PDZD2: variants seen among roughly 807,000 people sequenced by gnomAD.
PDZD2 encodes PDZ domain containing 2, also known as PDZ domain-containing protein 2.
In PDZD2, 90 loss-of-function variants were observed where a neutral mutation model predicts 220.7. The ratio of observed to expected loss-of-function variants is 0.41; its 90% CI spans 0.34 to 0.49. PDZD2 has a LOEUF of 0.49. PDZD2 is among the 20% of genes least tolerant of loss of function. PDZD2 has a pLI of 0.28. For missense variants in PDZD2, 3,174 were observed against 3,608.5 expected, an observed-to-expected ratio of 0.88 and a Z score of 3.08; for synonymous variants, 1,375 against 1,450.5, an observed-to-expected ratio of 0.95 and a Z score of 1.18.
chr5:32,048,543 T>C lies in PDZD2; in HGVS notation c.1524T>C (p.Gly508=), dbSNP rs1738202408. 2 of 1,613,166 alleles carry C rather than the reference T, an allele frequency of 1.2e-6. No individual in the cohort carries two copies. The highest frequency in any genetic ancestry group is 2.2e-5 in the South Asian group (2 of 91,038). ...KIKLKSRLSG[G]VHRLESVEEY... ...TTTCTCCTCTGTTTTCTCAAGGGGGTGTACACCGCCTTGAGTCAGTTGAAG... is the reference window on the plus strand; with the variant it reads ...TTTCTCCTCTGTTTTCTCAAGGGGGCGTACACCGCCTTGAGTCAGTTGAAG... Residue 508 remains glycine, a synonymous_variant, in exon 8 of 25, where the codon GGT becomes GGC. Transcript: ENST00000438447.
intron 1 of PDZD2, among the ~76,000 whole-genome samples, chr5:31,650,179 T>G (rs1297108990): frequency 1.3e-5 from 2 of 151,780 alleles, no homozygotes; most frequent in African/African-American, 4.8e-5. Context: ...AGCAGGAAAA[T>G]GAATTATCCA....
In PDZD2 at chr5:32,036,638, T is replaced by C. The variant is rs372728722; in HGVS notation, c.1408-593T>C. 2.6e-5 allele frequency among the ~76,000 whole-genome samples: 4 copies of C among 152,174 alleles called. 1 individual carries two copies. The East Asian group carries it at 7.7e-4, about 29-fold the overall frequency. ...CTCATGTCGACGCCTCCAGGGTGCC[T>C]GGGGCTGAGCTTGATTCCAGGAGCC... On this transcript the variant is annotated intron_variant, in intron 6 of 24. Transcript: ENST00000438447.
Position 31,786,405 on chromosome 5 carries a change from G to C in PDZD2, c.-360-12484G>C, listed in dbSNP as rs140273543. ...GTTCTTCCCCACTTCTTGAAACCTT[G>C]GTTCTATTGCTGTTCCAAAGAGCTT... is the stretch of plus-strand genomic sequence containing the variant. On this transcript the variant is annotated intron_variant, in intron 1 of 24. Coordinates refer to ENST00000438447, the MANE Select transcript of PDZD2 (RefSeq NM_178140.4). Among the ~76,000 whole-genome samples, 10 of 152,210 alleles carry C rather than the reference G, an allele frequency of 6.6e-5. No homozygotes were observed. In the East Asian group the frequency reaches 1.2e-3, roughly 18 times the overall value.
intron 2 of PDZD2, among the ~76,000 whole-genome samples, chr5:31,945,222 T>G (rs1746534624): frequency 1.3e-5 from 2 of 152,196 alleles, no homozygotes; most frequent in Non-Finnish European, 2.9e-5. Context: ...AAACCACTTA[T>G]GTCACAGGCC....
At chr5:32,094,201 C>T (rs997257440) in intron 21 of PDZD2, among the ~76,000 whole-genome samples, 1 of 152,112 alleles carries the variant, frequency 6.6e-6, no homozygotes, top group Non-Finnish European at 1.5e-5. Flanking sequence ...TGTAGAAGAG[C>T]ATCTGAACCC....
intron 2 of PDZD2, among the ~76,000 whole-genome samples, chr5:31,964,312 T>C (rs1039674490): frequency 2.6e-5 from 4 of 152,194 alleles, no homozygotes; most frequent in Non-Finnish European, 4.4e-5. Context: ...AAGCCTCCTG[T>C]AGGTAGATGA....
At position 31,656,296 on chromosome 5, in the gene PDZD2, C is replaced by G. The variant is rs114712856; in HGVS notation, c.-361+16859C>G. Among the ~76,000 whole-genome samples, 24 of 152,334 alleles carry G rather than the reference C, an allele frequency of 1.6e-4. No individual in the cohort carries two copies. The East Asian group carries it at 4.6e-3, about 29-fold the overall frequency. ...GGAAAGTCTCATTCCCTTTGAAAAG[C>G]CTTCCCCGCCTTCCCTGGCTGGCAG... On this transcript the variant is annotated intron_variant, in intron 1 of 24. Transcript: ENST00000438447.
intron 2 of PDZD2, among the ~76,000 whole-genome samples, chr5:31,850,610 T>C (rs1401204360): frequency 6.6e-6 from 1 of 151,492 alleles, no homozygotes; most frequent in Non-Finnish European, 1.5e-5. Context: ...ATTAAGCAAG[T>C]CGTCTTTACA....
At chr5:31,659,141 A>G (rs541728096) in intron 1 of PDZD2, among the ~76,000 whole-genome samples, 4 of 151,886 alleles carry the variant, frequency 2.6e-5, no homozygotes, top group Admixed American at 6.5e-5. Flanking sequence ...CTTTTCTCCT[A>G]CCTCTTTAAA....
Position 31,893,698 on chromosome 5 carries a change from T to C in PDZD2, c.477-89457T>C, listed in dbSNP as rs1283552410. On this transcript the variant is annotated intron_variant, in intron 2 of 24. Transcript: ENST00000438447. ...GTCTTAAAGTATAAATCACCTTGTG[T>C]AGGCTCTTATTCTATTCTTCTTATA... Among the ~76,000 whole-genome samples the C allele has an allele frequency of 2.0e-5, 3 of 152,214 alleles. No homozygotes were observed. The East Asian group carries it at 5.8e-4, about 29-fold the overall frequency.
At chr5:32,037,589 T>TAG (rs1755659000) in intron 7 of PDZD2, among the ~76,000 whole-genome samples, 1 of 152,222 alleles carries the variant, frequency 6.6e-6, no homozygotes, top group Non-Finnish European at 1.5e-5. Context: ...TCCTGAAACA[T>TAG]GACTGTCTTA....
intron 1 of PDZD2, among the ~76,000 whole-genome samples, chr5:31,758,833 A>G (rs147011328): frequency 6.6e-5 from 10 of 152,246 alleles, no homozygotes; most frequent in Non-Finnish European, 1.3e-4. Context: ...CAAAGTATGG[A>G]AAGTGTATGG....
intron 1 of PDZD2, among the ~76,000 whole-genome samples, chr5:31,796,512 G>A (rs1754033996): frequency 1.3e-5 from 2 of 152,096 alleles, no homozygotes; most frequent in African/African-American, 4.8e-5. Context: ...TCCTGCCACA[G>A]GGTAGAAACT....
At position 32,110,276 on chromosome 5, in the gene PDZD2, C is replaced by G. The variant is rs910088123; in HGVS notation, c.*2141C>G. The G allele has an allele frequency of 6.6e-6, 1 of 152,638 alleles. No individual in the cohort carries two copies. Among genetic ancestry groups the G allele is most frequent in the South Asian group, 2.1e-4 (1 of 4,832 alleles). 9.5% of individuals were successfully genotyped at this position (152,638 alleles called of 1,614,324 possible). A position where few individuals can be genotyped will look rare whatever the true frequency, so the allele number is the denominator to read the frequency against. On this transcript the variant is annotated 3_prime_UTR_variant, in exon 25 of 25. Coordinates refer to ENST00000438447, the MANE Select transcript of PDZD2 (RefSeq NM_178140.4). ...GTCTCCTTCCGCAAGTCTTTTTAAT[C>G]CTCATATCTGGAGTACAAGGGTAGA...
At chr5:31,999,852 C>T (rs1751960636) in intron 4 of PDZD2, among the ~76,000 whole-genome samples, 1 of 152,188 alleles carries the variant, frequency 6.6e-6, no homozygotes, top group Non-Finnish European at 1.5e-5. Context: ...CCTCTATCAA[C>T]ATCTCCACCT....
intron 1 of PDZD2, among the ~76,000 whole-genome samples, chr5:31,713,891 TCACCAGATGCAGATGCCAG>T (rs1748280144): frequency 1.3e-5 from 2 of 152,166 alleles, no homozygotes; most frequent in Admixed American, 1.3e-4. Context: ...CTTGAGATGC[TCACCAGATGCAGATGCCAG>T]CACCATGCTT....
intron 2 of PDZD2, chr5:31,854,916 G>C (rs1259219364): frequency 3.7e-6 from 3 of 807,830 alleles, no homozygotes; most frequent in Non-Finnish European, 4.4e-6. Flanking sequence ...GGAGGGAGGA[G>C]GGGGGGGTCC....
At chr5:31,839,769 G>T (rs1757157406) in intron 2 of PDZD2, among the ~76,000 whole-genome samples, 1 of 152,180 alleles carries the variant, frequency 6.6e-6, no homozygotes. Flanking sequence ...CTGGTTGGAG[G>T]TAATTGAATA....
chr5:31,854,210 G>A (rs1411306761), intron 2 of PDZD2, among the ~76,000 whole-genome samples: 2 of 152,188 alleles, frequency 1.3e-5, no homozygotes, highest in African/African-American at 4.8e-5. Flanking sequence ...AGCCTCAGTG[G>A]GTGTGATGTA....
Sources: gnomAD v4.1 joint callset for allele counts (sites outside exome capture counted in the v4.1 genomes callset) on GRCh38, gnomAD v4.1.1 for gene constraint, MANE v1.5 for transcripts, NCBI Gene and HGNC (gene_info 2026-07-23, HGNC 2026-07-21) for gene names.